DPP6: variants seen among roughly 807,000 people sequenced by gnomAD.
DPP6 encodes dipeptidyl peptidase like 6.
Under a neutral mutation model 122.6 loss-of-function variants are expected in DPP6, and 69 were observed. The observed-to-expected ratio is 0.56, with a 90% CI of 0.46 to 0.69. The LOEUF (loss-of-function observed/expected upper bound fraction) is 0.69. Among genes scored for constraint, DPP6 ranks in the 30% least tolerant of loss-of-function variants. The pLI is 0.00. For missense variants in DPP6, 928 were observed against 1,116.9 expected (o/e 0.83, Z 2.41); for synonymous variants, 418 against 433.1 (o/e 0.97, Z 0.43).
At chr7:154,428,612 C>A (rs1305405975) in intron 1 of DPP6, among the ~76,000 whole-genome samples, 3 of 152,124 alleles carry the variant, frequency 2.0e-5, no homozygotes, top group African/African-American at 7.2e-5. Flanking sequence ...TGTCCATCAA[C>A]CAATGAGTGG....
intron 7 of DPP6, among the ~76,000 whole-genome samples, chr7:154,697,203 G>A (rs931396483): frequency 1.3e-5 from 2 of 152,190 alleles, no homozygotes; most frequent in Admixed American, 6.5e-5. Flanking sequence ...AAGGTGTCCC[G>A]TCATGTTCCT....
At chr7:153,942,940 A>C (rs1287538641) in intron 1 of DPP6, among the ~76,000 whole-genome samples, 2 of 152,132 alleles carry the variant, frequency 1.3e-5, no homozygotes, top group African/African-American at 4.8e-5. Flanking sequence ...AATTCTCAGC[A>C]AGGACTTCTC....
intron 7 of DPP6, among the ~76,000 whole-genome samples, chr7:154,690,380 CTT>C (rs1262064637): frequency 6.6e-6 from 1 of 152,032 alleles, no homozygotes; most frequent in East Asian, 1.9e-4. Flanking sequence ...GGTAAGGAGT[CTT>C]TTAGAGAAGT....
chr7:154,655,759 T>G (rs982649061), intron 6 of DPP6, among the ~76,000 whole-genome samples: 2 of 152,194 alleles, frequency 1.3e-5, no homozygotes, highest in African/African-American at 4.8e-5. Flanking sequence ...GGAAGCCGGC[T>G]CAGGCCAGAA....
intron 1 of DPP6, among the ~76,000 whole-genome samples, chr7:154,017,373 C>T (rs1246274310): frequency 6.6e-6 from 1 of 152,150 alleles, no homozygotes. Context: ...AGCCACCGTG[C>T]CCAGTCAACA....
chr7:154,283,371 C>G (rs1804652051), intron 1 of DPP6, among the ~76,000 whole-genome samples: 1 of 152,124 alleles, frequency 6.6e-6, no homozygotes, highest in Non-Finnish European at 1.5e-5. Context: ...CTTCATAGGG[C>G]TATTTTAAAA....
intron 5 of DPP6, among the ~76,000 whole-genome samples, chr7:154,584,840 C>G (rs1832331226): frequency 6.6e-6 from 1 of 152,228 alleles, no homozygotes; most frequent in Admixed American, 6.5e-5. Flanking sequence ...CGATCCTGTG[C>G]TATTCATCGG....
At chr7:154,111,160 G>A (rs1346371707) in intron 1 of DPP6, among the ~76,000 whole-genome samples, 1 of 152,146 alleles carries the variant, frequency 6.6e-6, no homozygotes, top group African/African-American at 2.4e-5. Flanking sequence ...GACACATTCA[G>A]TTGTTGTTAT....
At chr7:153,958,185 C>T (rs1795155046) in intron 1 of DPP6, among the ~76,000 whole-genome samples, 1 of 152,010 alleles carries the variant, frequency 6.6e-6, no homozygotes, top group Admixed American at 6.6e-5. Flanking sequence ...AAAAAACAAG[C>T]AGATAGACCA....
chr7:154,283,529 T>C (rs113102528), intron 1 of DPP6, among the ~76,000 whole-genome samples: 3 of 152,144 alleles, frequency 2.0e-5, no homozygotes, highest in Admixed American at 6.5e-5. Context: ...CCGAGGCTCA[T>C]GGGGTACACA....
chr7:154,305,491 G>C (rs2150987052), intron 1 of DPP6: 4 of 1,601,466 alleles, frequency 2.5e-6, no homozygotes, highest in Non-Finnish European at 3.4e-6. Context: ...CGCCTGGACA[G>C]ACCATGACCA....
At chr7:154,140,815 G>C (rs71532699) in intron 1 of DPP6, among the ~76,000 whole-genome samples, 4 of 152,054 alleles carry the variant, frequency 2.6e-5, no homozygotes, top group African/African-American at 9.7e-5. Context: ...AACCTTTTTG[G>C]AAGTAGGGAG....
chr7:154,489,113 G>T (rs1426386443), intron 3 of DPP6, among the ~76,000 whole-genome samples: 1 of 152,164 alleles, frequency 6.6e-6, no homozygotes, highest in Non-Finnish European at 1.5e-5. Flanking sequence ...TTCCTTGACT[G>T]CCCCTTTTTC....
rs1046796641 is a variant in DPP6 at position 154,610,742 on chromosome 7, T to A, written c.628-27079T>A. 1.2e-4 allele frequency among the ~76,000 whole-genome samples: 18 copies of A among 146,712 alleles called. 1 individual carries two copies. In the Middle Eastern group the frequency reaches 0.014, roughly 114 times the overall value. ...GTGTGTGTGTGTGTGTGTGTGTGTG[T>A]GTGATTGTGCACCTGTATTTGCGTT... On this transcript the variant is annotated intron_variant, in intron 5 of 25. Transcript: ENST00000377770.
At chr7:154,323,687 C>T (rs546168893) in intron 1 of DPP6, among the ~76,000 whole-genome samples, 1 of 152,308 alleles carries the variant, frequency 6.6e-6, no homozygotes, top group South Asian at 2.1e-4. Context: ...GCTATTTTTA[C>T]AGATTTCAGC....
intron 1 of DPP6, among the ~76,000 whole-genome samples, chr7:154,225,339 A>G (rs1800530464): frequency 6.6e-6 from 1 of 152,116 alleles, no homozygotes; most frequent in East Asian, 1.9e-4. Context: ...AGAAGACATT[A>G]TACAGCCTAT....
At chr7:154,778,563 C>G (rs935632691) in intron 10 of DPP6, among the ~76,000 whole-genome samples, 3 of 151,156 alleles carry the variant, frequency 2.0e-5, no homozygotes, top group African/African-American at 7.4e-5. Flanking sequence ...GCACCCCCCC[C>G]CAAAAAAAAC....
chr7:154,281,119 T>C (rs1360308183), intron 1 of DPP6, among the ~76,000 whole-genome samples: 1 of 151,872 alleles, frequency 6.6e-6, no homozygotes, highest in African/African-American at 2.4e-5. Flanking sequence ...TTCAAGCAAT[T>C]CTCCTGCCTC....
chr7:153,871,249 G>A, the DPP6 span, among the ~76,000 whole-genome samples: 1 of 152,202 alleles, frequency 6.6e-6, no homozygotes, highest in Non-Finnish European at 1.5e-5. Context: ...GCCCCCAGAG[G>A]TGGAGCCTGT....
Sources: gnomAD v4.1 joint callset for allele counts (sites outside exome capture counted in the v4.1 genomes callset) on GRCh38, gnomAD v4.1.1 for gene constraint, MANE v1.5 for transcripts, NCBI Gene and HGNC (gene_info 2026-07-23, HGNC 2026-07-21) for gene names.